Variants in PCNT observed in about 807,000 individuals in gnomAD.
The protein encoded by PCNT is pericentrin.
In PCNT, 319 loss-of-function variants were observed where a neutral mutation model predicts 380.4. The observed-to-expected ratio is 0.84, with a 90% CI of 0.77 to 0.92. The LOEUF (loss-of-function observed/expected upper bound fraction) is 0.92. Ranked by LOEUF, PCNT falls within the 40% of genes least tolerant of loss-of-function variation. The pLI is 0.00. For missense variants in PCNT, 4,400 were observed against 4,255.3 expected, an observed-to-expected ratio of 1.03 and a Z score of -0.95; for synonymous variants, 1,845 against 1,735.2, an observed-to-expected ratio of 1.06 and a Z score of -1.57.
At position 46,431,669 on chromosome 21, in the gene PCNT, G is replaced by T; in HGVS notation, c.8205G>T (p.Gln2735His). 6.2e-7 allele frequency: 1 copy of T among 1,613,408 alleles called. No homozygotes were observed. Among genetic ancestry groups the T allele is most frequent in the African/African-American group, 1.3e-5 (1 of 75,074 alleles). Reference sequence around the variant, plus strand: ...CACGCTGCGAGGCCTTGCTGGCTCAGGAGCGGAGCCAGCTCTCTGAGCTCC... The same window carrying T: ...CACGCTGCGAGGCCTTGCTGGCTCATGAGCGGAGCCAGCTCTCTGAGCTCC... The part of the protein sequence containing the change: ...EHSRCEALLA[Q>H]ERSQLSELQK... Residue 2735 changes from glutamine (Q) to histidine (H), a missense_variant, in exon 38 of 47, where the codon CAG becomes CAT. Physicochemically the swap from Gln to His is conservative, Grantham distance 24. Coordinates refer to ENST00000359568, the MANE Select transcript of PCNT (RefSeq NM_006031.6).
chr21:46,430,522 T>G lies in PCNT; in HGVS notation c.7929T>G (p.Ser2643Arg). The G allele has an allele frequency of 6.4e-7, 1 of 1,552,300 alleles. No individual in the cohort carries two copies. The change falls in exon 37 of 47, where the codon AGT (serine) becomes AGG (arginine). Residue 2643 changes from serine (S) to arginine (R), a missense_variant. Physicochemically the swap from Ser to Arg is moderately radical, Grantham distance 110 (BLOSUM62 -1). Transcript: ENST00000359568. ...EVLQLRSMLSSKENELKAALQ... is the reference protein window; with the variant it reads ...EVLQLRSMLSRKENELKAALQ... Reference sequence around the variant, plus strand: ...CTCCACGCAGATCCATGCTGAGCAGTAAGGAGAACGAGCTGAAGGCCGCGC... The same window carrying G: ...CTCCACGCAGATCCATGCTGAGCAGGAAGGAGAACGAGCTGAAGGCCGCGC...
At position 46,402,331 on chromosome 21, in the gene PCNT, G is replaced by A; in HGVS notation, c.4963G>A (p.Val1655Ile). The stretch of plus-strand genomic sequence containing the variant: ...TTTTCTTCTTTTGTTTTAATGAAAG[G>A]TTTTGGACTTAAAAGAACAGCTAGA... ...QRALLRRESE[V>I]LDLKEQLEKM... Residue 1655 changes from valine to isoleucine, a missense_variant and splice_region_variant, in exon 27 of 47, where the codon GTT becomes ATT. Coordinates refer to ENST00000359568, the MANE Select transcript of PCNT (RefSeq NM_006031.6). 6.3e-7 allele frequency: 1 copy of A among 1,592,636 alleles called. No individual in the cohort carries two copies. The highest frequency in any genetic ancestry group is 8.6e-7 in the Non-Finnish European group (1 of 1,160,846).
rs754857507 is a variant in PCNT at position 46,399,662 on chromosome 21, G to A, written c.4657G>A (p.Ala1553Thr). ...TGAATTGGCTATACAGAAAGAGTCG[G>A]CAGATAGACAAGTGTTAATGCAGGA... ...FNELAIQKES[A>T]DRQVLMQEEE... Residue 1553 changes from alanine (A) to threonine (T), a missense_variant, in exon 25 of 47, where the codon GCA (alanine) becomes ACA (threonine). Coordinates refer to ENST00000359568, the MANE Select transcript of PCNT (RefSeq NM_006031.6). 6.2e-7 allele frequency: 1 copy of A among 1,613,598 alleles called. No individual in the cohort carries two copies. Among genetic ancestry groups the A allele is most frequent in the Non-Finnish European group, 8.5e-7 (1 of 1,179,594 alleles).
intron 15 of PCNT, among the ~76,000 whole-genome samples, chr21:46,373,108 A>G (rs1460670062): frequency 6.6e-6 from 1 of 152,118 alleles, no homozygotes; most frequent in African/African-American, 2.4e-5. Context: ...GTGACCTTGA[A>G]CGCCTGGCCT....
At position 46,349,667 on chromosome 21, in the gene PCNT, T is replaced by C. The variant is rs754186847; in HGVS notation, c.1208-17T>C. 1 of 1,613,476 alleles carries C rather than the reference T, an allele frequency of 6.2e-7. No homozygotes were observed. On this transcript the variant is annotated splice_polypyrimidine_tract_variant and intron_variant, in intron 7 of 46. Transcript: ENST00000359568. ...GTGATGTCTTGTAAACCAAGTGCCA[T>C]TGCTTTACCTTTCTAGGGGCCCTTA...
In PCNT at chr21:46,390,756, C is replaced by A; in HGVS notation, c.3927C>A (p.His1309Gln). 1 of 1,613,340 alleles carries A rather than the reference C, an allele frequency of 6.2e-7. No individual in the cohort carries two copies. The highest frequency in any genetic ancestry group is 1.1e-5 in the South Asian group (1 of 91,032). ...AGACAGCACAGGTTGTCAGGAAGCA[C>A]CAGGAGCTGCTGGAGTGTTTGAAGG... ...NEETAQVVRK[H>Q]QELLECLKEE... Residue 1309 changes from histidine to glutamine, a missense_variant, in exon 20 of 47, where the codon CAC becomes CAA. By Grantham distance (24) the His-to-Gln change is conservative. Coordinates refer to ENST00000359568, the MANE Select transcript of PCNT (RefSeq NM_006031.6).
In PCNT at chr21:46,388,204, C is replaced by T. The variant is rs2147265378; in HGVS notation, c.3465-538C>T. Among the ~76,000 whole-genome samples, 1 of 150,192 alleles carries T rather than the reference C, an allele frequency of 6.7e-6. No individual in the cohort carries two copies. The highest frequency in any genetic ancestry group is 2.1e-4 in the South Asian group (1 of 4,748). On this transcript the variant is annotated intron_variant, in intron 17 of 46. Transcript: ENST00000359568. This position sits in a 1 kb window ranked among gnomAD's most constrained non-coding sequence, Gnocchi z 4.2. ...CAGCCTGGGCGACAGAGCGAGACTC[C>T]ATCTCAAAAAAAAAAAAAGACAGAA...
chr21:46,424,890 C>T (rs1219304254), intron 32 of PCNT, among the ~76,000 whole-genome samples: 3 of 152,088 alleles, frequency 2.0e-5, no homozygotes, highest in Non-Finnish European at 4.4e-5. Flanking sequence ...TAGAGATGAA[C>T]ATAGTGTGCA....
chr21:46,445,344 C>T lies in PCNT; in HGVS notation c.*17C>T. On this transcript the variant is annotated 3_prime_UTR_variant, in exon 47 of 47. Coordinates refer to ENST00000359568, the MANE Select transcript of PCNT (RefSeq NM_006031.6). The stretch of plus-strand genomic sequence containing the variant: ...AAACAGTGAATAAAATGTCATGGCT[C>T]TTTCCTGCGACAATTCTATTTGAGG... The T allele has an allele frequency of 1.3e-6, 2 of 1,584,078 alleles. No individual in the cohort carries two copies. The highest frequency in any genetic ancestry group is 1.1e-5 in the South Asian group (1 of 90,460).
chr21:46,349,836 G>A lies in PCNT; in HGVS notation c.1344+16G>A, dbSNP rs773538856. 4.3e-6 allele frequency: 7 copies of A among 1,612,560 alleles called. No homozygotes were observed. The highest frequency in any genetic ancestry group is 2.7e-5 in the African/African-American group (2 of 74,876). The stretch of plus-strand genomic sequence containing the variant: ...ACAGCTGGAGGTGGGCAGCAGCTTC[G>A]TTATTTAATTACTTGGTATATTAGG... On this transcript the variant is annotated intron_variant, in intron 8 of 46. Coordinates refer to ENST00000359568, the MANE Select transcript of PCNT (RefSeq NM_006031.6).
At chr21:46,352,120 C>T (rs571800898) in intron 9 of PCNT, among the ~76,000 whole-genome samples, 4 of 152,090 alleles carry the variant, frequency 2.6e-5, no homozygotes, top group East Asian at 3.9e-4. Context: ...ATTCAGGCAC[C>T]GGCGCCCAGG....
rs2053427250 is a variant in PCNT at position 46,435,871 on chromosome 21, A to G, written c.8752-33A>G. The G allele has an allele frequency of 7.4e-6, 12 of 1,613,570 alleles. No individual in the cohort carries two copies. In the Admixed American group the frequency reaches 2.0e-4, roughly 27 times the overall value. On this transcript the variant is annotated intron_variant, in intron 38 of 46. Transcript: ENST00000359568. ...GTTTTGTTTTTGGACACTGACGTGA[A>G]CGTCTTCTCTGTCTTTTTTCTGTTA...
rs1343741608 is a variant in PCNT at position 46,349,004 on chromosome 21, TAAA to T, written c.1033-7_1033-5del. 1.3e-6 allele frequency: 2 copies of T among 1,543,056 alleles called. No individual in the cohort carries two copies. The highest frequency in any genetic ancestry group is 2.2e-5 in the South Asian group (2 of 89,092). The stretch of plus-strand genomic sequence containing the variant: ...TATTGAGTTTAATTTTTTTTTCTTT[TAAA>T]TTAGACCCTGAAGGAAGATTGGGAA... On this transcript the variant is annotated splice_region_variant and splice_polypyrimidine_tract_variant and intron_variant, in intron 6 of 46. Transcript: ENST00000359568.
chr21:46,374,296 A>G (rs925384840), intron 15 of PCNT, among the ~76,000 whole-genome samples: 3 of 152,048 alleles, frequency 2.0e-5, no homozygotes, highest in African/African-American at 4.8e-5. Flanking sequence ...TTTTCCCCCA[A>G]TACAGCATAA....
At chr21:46,391,899 G>A (rs1009217398) in intron 21 of PCNT, among the ~76,000 whole-genome samples, 19 of 152,186 alleles carry the variant, frequency 1.2e-4, no homozygotes, top group African/African-American at 4.1e-4. Context: ...GGTTCAGCTC[G>A]AGCAAAGGCT....
intron 28 of PCNT, among the ~76,000 whole-genome samples, 161 bp downstream of exon 28, chr21:46,412,228 G>C (rs1368800616): frequency 6.6e-6 from 1 of 152,240 alleles, no homozygotes; most frequent in Admixed American, 6.5e-5. Context: ...GCCAGCCTGG[G>C]CCTGTTCCGT....
chr21:46,334,826 T>G (rs546980288), intron 3 of PCNT, 58 bp downstream of exon 3: 5 of 1,612,814 alleles, frequency 3.1e-6, no homozygotes, highest in Non-Finnish European at 4.2e-6. Flanking sequence ...CTTTATGTTG[T>G]AGAAATCCAA....
intron 27 of PCNT, among the ~76,000 whole-genome samples, chr21:46,406,206 C>T (rs1433707620): frequency 6.6e-6 from 1 of 152,202 alleles, no homozygotes; most frequent in Non-Finnish European, 1.5e-5. Context: ...CTGCCGTCCT[C>T]CGGGGCTCCA....
chr21:46,324,220 C>G lies in PCNT; in HGVS notation c.-9C>G, dbSNP rs1385211833. 3 of 1,610,298 alleles carry G rather than the reference C, an allele frequency of 1.9e-6. No individual in the cohort carries two copies. The highest frequency in any genetic ancestry group is 2.2e-5 in the East Asian group (1 of 44,750). On this transcript the variant is annotated 5_prime_UTR_variant, in exon 1 of 47. Coordinates refer to ENST00000359568, the MANE Select transcript of PCNT (RefSeq NM_006031.6). ...CACCGCCGGGCGGCCCGCGCGGAGT[C>G]TGAGGGAGATGGAAGTTGAGCAAGA... is the stretch of plus-strand genomic sequence containing the variant.
Sources: allele counts gnomAD v4.1 joint callset (sites outside exome capture counted in the v4.1 genomes callset), GRCh38; gene constraint gnomAD v4.1.1; non-coding constraint Gnocchi (gnomAD v3.1); transcripts MANE v1.5; gene names NCBI Gene and HGNC (gene_info 2026-07-23, HGNC 2026-07-21).